The following NRCAM variants were observed in gnomAD, a reference collection of about 807,000 sequenced individuals.
NRCAM encodes NgCAM-related cell adhesion molecule.
Under a neutral mutation model 156.5 loss-of-function variants are expected in NRCAM, and 83 were observed. The observed-to-expected ratio is 0.53, with a 90% CI of 0.44 to 0.64. The LOEUF (loss-of-function observed/expected upper bound fraction) is 0.64, where lower values mean the gene tolerates loss of function less well. Among genes scored for constraint, NRCAM ranks in the 30% least tolerant of loss-of-function variants. NRCAM has a pLI of 0.00. For missense variants in NRCAM, 1,417 were observed against 1,597.3 expected, an observed-to-expected ratio of 0.89 and a Z score of 1.92; for synonymous variants, 538 against 563.9, an observed-to-expected ratio of 0.95 and a Z score of 0.65.
At chr7:108,296,081 A>T (rs141677179) in intron 3 of NRCAM, among the ~76,000 whole-genome samples, 1 of 152,372 alleles carries the variant, frequency 6.6e-6, no homozygotes, top group East Asian at 1.9e-4. Context: ...GATGGAAGTC[A>T]GACACTTCTG....
chr7:108,304,252 C>CT (rs1256612566), intron 3 of NRCAM, among the ~76,000 whole-genome samples: 1 of 152,138 alleles, frequency 6.6e-6, no homozygotes, highest in Non-Finnish European at 1.5e-5. Context: ...ATAATTCTTC[C>CT]TTAATGATCA....
At chr7:108,155,101 T>TATATATACACAC (rs1270777439) in intron 32 of NRCAM, among the ~76,000 whole-genome samples, 46 of 123,092 alleles carry the variant, frequency 3.7e-4, no homozygotes, top group African/African-American at 1.5e-3. Context: ...TATATATATA[T>TATATATACACAC]ACACACACAC....
intron 2 of NRCAM, among the ~76,000 whole-genome samples, chr7:108,314,473 CAAGAT>C (rs1420336614): frequency 2.6e-5 from 4 of 151,982 alleles, no homozygotes; most frequent in African/African-American, 7.2e-5. Context: ...GTCAAAAGGT[CAAGAT>C]AAGATTTGAT....
intron 2 of NRCAM, among the ~76,000 whole-genome samples, chr7:108,323,904 G>T (rs2099033464): frequency 6.6e-6 from 1 of 152,114 alleles, no homozygotes; most frequent in Admixed American, 6.5e-5. Context: ...CTGCGAAAGG[G>T]CTTTGCAGGC....
At chr7:108,348,889 T>G (rs1594618835) in intron 2 of NRCAM, among the ~76,000 whole-genome samples, 2 of 124,016 alleles carry the variant, frequency 1.6e-5, no homozygotes, top group Non-Finnish European at 3.2e-5. Flanking sequence ...GGTGACAGAG[T>G]GAGACTCCAT....
chr7:108,334,012 T>G (rs1454479758), intron 2 of NRCAM, among the ~76,000 whole-genome samples: 1 of 152,226 alleles, frequency 6.6e-6, no homozygotes, highest in African/African-American at 2.4e-5. Flanking sequence ...GAAGTCAACA[T>G]TATGTCACAA....
At chr7:108,446,598 A>C (rs1434783539) in intron 1 of NRCAM, among the ~76,000 whole-genome samples, 1 of 152,212 alleles carries the variant, frequency 6.6e-6, no homozygotes, top group African/African-American at 2.4e-5. Context: ...TAAGATAAGC[A>C]AGGGCCCCCA....
At chr7:108,374,118 C>A (rs1467562737) in intron 2 of NRCAM, among the ~76,000 whole-genome samples, 1 of 152,078 alleles carries the variant, frequency 6.6e-6, no homozygotes, top group African/African-American at 2.4e-5. Context: ...ACTGACATAA[C>A]CTAATACTTA....
intron 13 of NRCAM, among the ~76,000 whole-genome samples, chr7:108,206,862 C>A (rs2081414677): frequency 6.6e-6 from 1 of 152,128 alleles, no homozygotes; most frequent in African/African-American, 2.4e-5. Flanking sequence ...AGGAGTGGAG[C>A]ATCGGAGCAG....
At chr7:108,261,647 G>A (rs1269654) in intron 3 of NRCAM, among the ~76,000 whole-genome samples, 126,818 of 152,160 alleles carry the variant, frequency 0.83, 53,201 homozygotes, top group East Asian at 0.99. Flanking sequence ...CCACTTCAAA[G>A]TCCTCTTGGG....
At chr7:108,309,942 A>G (rs1462868801) in intron 3 of NRCAM, among the ~76,000 whole-genome samples, 2 of 152,182 alleles carry the variant, frequency 1.3e-5, no homozygotes, top group Non-Finnish European at 2.9e-5. Flanking sequence ...CACTTTTACA[A>G]ATCAACTTAA....
chr7:108,275,594 A>G (rs1009383914), intron 3 of NRCAM, among the ~76,000 whole-genome samples: 1 of 152,084 alleles, frequency 6.6e-6, no homozygotes, highest in African/African-American at 2.4e-5. Context: ...CCCCTTTATC[A>G]TTTTATTTTG....
intron 13 of NRCAM, among the ~76,000 whole-genome samples, chr7:108,201,156 A>C (rs1452033704): frequency 6.6e-6 from 1 of 150,690 alleles, no homozygotes; most frequent in Non-Finnish European, 1.5e-5. Flanking sequence ...TAGAGAAACA[A>C]ACTAAATTTT....
intron 11 of NRCAM, among the ~76,000 whole-genome samples, chr7:108,213,495 C>A (rs2085932188): frequency 6.6e-6 from 1 of 152,114 alleles, no homozygotes; most frequent in South Asian, 2.1e-4. Context: ...TAAGAACTCA[C>A]CACCAACTAT....
intron 32 of NRCAM, among the ~76,000 whole-genome samples, chr7:108,155,681 A>G (rs2044935597): frequency 6.6e-6 from 1 of 152,080 alleles, no homozygotes; most frequent in Admixed American, 6.6e-5. Flanking sequence ...GTGTGGGACC[A>G]AATTCTATTG....
At chr7:108,278,480 C>T (rs1055183712) in intron 3 of NRCAM, among the ~76,000 whole-genome samples, 15 of 152,312 alleles carry the variant, frequency 9.8e-5, no homozygotes, top group Admixed American at 3.3e-4. Flanking sequence ...CGCCCCTCCC[C>T]GCACCAAGCT....
chr7:108,388,450 T>C (rs1363486349), intron 2 of NRCAM, among the ~76,000 whole-genome samples: 2 of 152,250 alleles, frequency 1.3e-5, no homozygotes, highest in African/African-American at 4.8e-5. Flanking sequence ...TTGTAGATTC[T>C]GGATATTAGC....
At chr7:108,447,511 C>T (rs1845790305) in intron 1 of NRCAM, among the ~76,000 whole-genome samples, 1 of 151,934 alleles carries the variant, frequency 6.6e-6, no homozygotes, top group Non-Finnish European at 1.5e-5. Context: ...ATCTCATGAT[C>T]CGCCTACTCT....
intron 1 of NRCAM, among the ~76,000 whole-genome samples, chr7:108,455,766 G>A (rs1479350840): frequency 1.3e-5 from 2 of 152,144 alleles, no homozygotes; most frequent in Non-Finnish European, 2.9e-5. Context: ...CTCCCGGCCC[G>A]GCCCCCGCGC....
Sources: allele counts gnomAD v4.1 joint callset (sites outside exome capture counted in the v4.1 genomes callset), GRCh38; gene constraint gnomAD v4.1.1; transcripts MANE v1.5; gene names NCBI Gene and HGNC (gene_info 2026-07-23, HGNC 2026-07-21).